Variants in DSN1 observed in about 807,000 individuals in gnomAD.
DSN1 encodes the protein kinetochore-associated protein DSN1 homolog.
A neutral mutation model predicts 45.7 loss-of-function variants in DSN1; 31 were observed. The observed-to-expected ratio is 0.68, with a 90% confidence interval of 0.51 to 0.92. The LOEUF is 0.92. DSN1 is among the 40% of genes least tolerant of loss of function. The probability of loss-of-function intolerance (pLI) is 0.00; values close to 1 mark genes in which losing one functional copy is unlikely to be tolerated. For synonymous variants in DSN1, 134 were observed against 142.3 expected, an observed-to-expected ratio of 0.94 and a Z score of 0.41; for missense variants, 394 against 414.2, an observed-to-expected ratio of 0.95 and a Z score of 0.42.
intron 6 of DSN1, among the ~76,000 whole-genome samples, chr20:36,760,662 T>A (rs1418423444): frequency 6.6e-6 from 1 of 151,860 alleles, no homozygotes; most frequent in Admixed American, 6.6e-5. Context: ...CCAGGAAGGG[T>A]GGATCACCTG....
At chr20:36,768,248 A>C (rs1402296340) in intron 3 of DSN1, among the ~76,000 whole-genome samples, 2 of 152,170 alleles carry the variant, frequency 1.3e-5, no homozygotes, top group Non-Finnish European at 2.9e-5. Context: ...AAAAAAAGTT[A>C]TAAGAATCTT....
chr20:36,755,848 A>G lies in DSN1; in HGVS notation c.726-19T>C. 1.9e-6 allele frequency: 3 copies of G among 1,595,514 alleles called. No homozygotes were observed. The highest frequency in any genetic ancestry group is 2.6e-6 in the Non-Finnish European group (3 of 1,173,734). On this transcript the variant is annotated intron_variant, in intron 8 of 10. Transcript: ENST00000373750. ...TGATCCTCTAAAAACAAAACACAAG[A>G]GCTTTTGAGAGATTCTGTAATTATT...
intron 3 of DSN1, among the ~76,000 whole-genome samples, chr20:36,770,232 A>AT (rs1049826020): frequency 3.3e-5 from 5 of 151,802 alleles, no homozygotes; most frequent in South Asian, 2.1e-4. Flanking sequence ...ATGCCCTGCT[A>AT]TTTTTTTAAA....
chr20:36,770,990 A>T lies in DSN1; in HGVS notation c.238T>A (p.Leu80Met), dbSNP rs1377014727. 1 of 1,614,206 alleles carries T rather than the reference A, an allele frequency of 6.2e-7. No individual in the cohort carries two copies. The highest frequency in any genetic ancestry group is 2.2e-5 in the East Asian group (1 of 44,890). Residue 80 changes from leucine to methionine, a missense_variant, in exon 3 of 11, where the codon TTG (leucine) becomes ATG (methionine). By Grantham distance (15) the Leu-to-Met change is conservative. Coordinates refer to ENST00000373750, the MANE Select transcript of DSN1 (RefSeq NM_001145315.2). Reference sequence around the variant, plus strand: ...CTGGCAGATTGTTCTTGAGGAGACAAATGAAGGGACTTCGACTGAAGTCTT... The same window carrying T: ...CTGGCAGATTGTTCTTGAGGAGACATATGAAGGGACTTCGACTGAAGTCTT... ...QERLQSKSLHLSPQEQSASYQ... is the reference protein window; with the variant it reads ...QERLQSKSLHMSPQEQSASYQ...
At chr20:36,760,705 C>T (rs78138404) in intron 6 of DSN1, among the ~76,000 whole-genome samples, 4,965 of 152,008 alleles carry the variant, frequency 0.033, 165 homozygotes, top group South Asian at 0.15. Context: ...CTAGACAATA[C>T]GGTGAAACCC....
chr20:36,755,865 G>T, intron 8 of DSN1, 36 bp from the exon 9 acceptor site: 1 of 1,590,486 alleles, frequency 6.3e-7, no homozygotes, highest in Non-Finnish European at 8.5e-7. Flanking sequence ...GAGAGATTCT[G>T]TAATTATTTT....
At chr20:36,763,617 A>G (rs1987137102) in intron 5 of DSN1, among the ~76,000 whole-genome samples, 2 of 151,152 alleles carry the variant, frequency 1.3e-5, no homozygotes, top group Non-Finnish European at 3.0e-5. Flanking sequence ...GGCTGGGCGC[A>G]GTGGCTCATG....
intron 5 of DSN1, among the ~76,000 whole-genome samples, chr20:36,765,247 T>TTA (rs780719980): frequency 3.3e-4 from 25 of 75,278 alleles, no homozygotes; most frequent in Admixed American, 1.9e-3. Context: ...AGGCTTGTGT[T>TTA]AAAAAAAAAA....
At chr20:36,766,954 T>G in intron 4 of DSN1, 113 bp from the exon 5 acceptor site, 2 of 657,216 alleles carry the variant, frequency 3.0e-6, no homozygotes, top group Non-Finnish European at 5.0e-6. Context: ...AAATATGATG[T>G]AATTTTTACA....
In DSN1 at chr20:36,762,541, A is replaced by C; in HGVS notation, c.510T>G (p.Ser170=). 6.2e-7 allele frequency: 1 copy of C among 1,613,588 alleles called. No individual in the cohort carries two copies. The change falls in exon 6 of 11, where the codon TCT becomes TCG. Residue 170 remains serine, a synonymous_variant. Transcript: ENST00000373750. ...CAAAATGTTTCAATTCTTCAGAAAG[A>C]GAAGATGCTAGACAGCACAAATTTA... ...SLESFRAKAS[S]LSEELKHFAD...
rs761947442 is a variant in DSN1 at position 36,771,484 on chromosome 20, G to C, written c.-15-11C>G. 4 of 1,612,694 alleles carry C rather than the reference G, an allele frequency of 2.5e-6. No homozygotes were observed. The Admixed American group carries it at 5.0e-5, about 20-fold the overall frequency. On this transcript the variant is annotated splice_polypyrimidine_tract_variant and intron_variant, in intron 1 of 10. Coordinates refer to ENST00000373750, the MANE Select transcript of DSN1 (RefSeq NM_001145315.2). ...CCTAGGTGGTAAACTCTGAAAATAG[G>C]AAAATGGAAGTGATCTGTTCTTCAC...
chr20:36,763,581 C>T (rs1987135075), intron 5 of DSN1, among the ~76,000 whole-genome samples: 1 of 151,428 alleles, frequency 6.6e-6, no homozygotes, highest in Admixed American at 6.6e-5. Context: ...GAAACCCCAT[C>T]TCTTTATTAG....
In DSN1 at chr20:36,767,989, G is replaced by A; in HGVS notation, c.409C>T (p.Leu137Phe). The change falls in exon 4 of 11, where the codon CTC becomes TTC. Residue 137 changes from leucine to phenylalanine, a missense_variant. By Grantham distance (22) the Leu-to-Phe change is conservative (BLOSUM62 0). Coordinates refer to ENST00000373750, the MANE Select transcript of DSN1 (RefSeq NM_001145315.2). ...CTTACCTGGAAACTGGAAAGCAGGA[G>A]ACAGCCAAGCCGTTTGCTTTCTGCT... ...DLAESKRLGC[L>F]LLSSFQFSIQ... is the part of the protein sequence containing the mutation. The A allele has an allele frequency of 6.2e-7, 1 of 1,614,102 alleles. No individual in the cohort carries two copies. The highest frequency in any genetic ancestry group is 2.2e-5 in the East Asian group (1 of 44,880).
At chr20:36,766,434 A>G (rs1987342189) in intron 5 of DSN1, among the ~76,000 whole-genome samples, 2 of 151,810 alleles carry the variant, frequency 1.3e-5, no homozygotes, top group Admixed American at 6.6e-5. Flanking sequence ...TTGGGAGGCC[A>G]AGGTGGGCAG....
chr20:36,753,962 C>T (rs1986525813), intron 10 of DSN1, among the ~76,000 whole-genome samples: 1 of 150,330 alleles, frequency 6.7e-6, no homozygotes, highest in African/African-American at 2.4e-5. Context: ...GCCGAGATCG[C>T]ACCATTGCAC....
chr20:36,771,603 A>G, intron 1 of DSN1, 130 bp from the exon 2 acceptor site: 1 of 722,364 alleles, frequency 1.4e-6, no homozygotes, highest in Non-Finnish European at 2.3e-6. Flanking sequence ...CACCTCCCTG[A>G]CAGAGAATAT....
intron 10 of DSN1, among the ~76,000 whole-genome samples, chr20:36,753,987 C>T (rs1182498055): frequency 1.4e-5 from 2 of 148,054 alleles, no homozygotes; most frequent in Non-Finnish European, 3.0e-5. Context: ...GCCTGGGCAA[C>T]AAGAGTGAAA....
rs752285833 is a variant in DSN1 at position 36,766,847 on chromosome 20, T to C, written c.430-6A>G. 1.9e-6 allele frequency: 3 copies of C among 1,587,848 alleles called. No homozygotes were observed. The highest frequency in any genetic ancestry group is 1.2e-5 in the South Asian group (1 of 85,808). ...TCAAGTTTCTGAATAGAGAACTAAA[T>C]AAAGAAAAGCATTTTTAGTACAACC... On this transcript the variant is annotated splice_region_variant and splice_polypyrimidine_tract_variant and intron_variant, in intron 4 of 10. Transcript: ENST00000373750.
rs540424714 is a variant in DSN1 at position 36,773,440 on chromosome 20, A to G, written c.-16+222T>C. 87 of 985,508 alleles carry G rather than the reference A, an allele frequency of 8.8e-5. 1 individual carries two copies. In the South Asian group the frequency reaches 3.4e-3, roughly 38 times the overall value. The allele number at this position is 985,508 out of a possible 1,614,324, so 61.0% of individuals were successfully genotyped here. ...CCCTGGCACGGCAGATACGTCTCTA[A>G]TGGGGTCGGTAAGGGGGACTGCCCT... On this transcript the variant is annotated intron_variant, in intron 1 of 10. Coordinates refer to ENST00000373750, the MANE Select transcript of DSN1 (RefSeq NM_001145315.2).
Sources: allele counts gnomAD v4.1 joint callset (sites outside exome capture counted in the v4.1 genomes callset), GRCh38; gene constraint gnomAD v4.1.1; transcripts MANE v1.5; gene names NCBI Gene and HGNC (gene_info 2026-07-23, HGNC 2026-07-21).